SLC35G2: variants seen among roughly 807,000 people sequenced by gnomAD.
SLC35G2 encodes the protein transmembrane protein 22.
SLC35G2 carries 20 observed loss-of-function variants against 27.2 expected under a neutral mutation model. That is an observed-to-expected ratio of 0.74 (90% CI 0.52 to 1.07). The LOEUF is 1.07. Ranked by LOEUF, SLC35G2 falls within the 50% of genes least tolerant of loss-of-function variation. SLC35G2 has a pLI of 0.00. For missense variants in SLC35G2, 416 were observed against 493.3 expected (o/e 0.84, Z 1.48); for synonymous variants, 148 against 165.3 (o/e 0.90, Z 0.80).
intron 1 of SLC35G2, among the ~76,000 whole-genome samples, chr3:136,835,045 G>C (rs1936828694): frequency 6.6e-6 from 1 of 152,120 alleles, no homozygotes; most frequent in African/African-American, 2.4e-5. Context: ...ACCCTCTCCT[G>C]CATAACCACA....
chr3:136,837,720 A>G (rs1936913550), intron 1 of SLC35G2: 1 of 152,204 alleles, frequency 6.6e-6, no homozygotes, highest in Admixed American at 6.5e-5. Flanking sequence ...ATATTTTTGC[A>G]TGCACATCCT....
At chr3:136,832,171 G>A (rs1483392238) in intron 1 of SLC35G2, among the ~76,000 whole-genome samples, 2 of 152,004 alleles carry the variant, frequency 1.3e-5, no homozygotes. Context: ...CCGCCACCAG[G>A]CCTGGCTAAT....
chr3:136,828,827 G>T (rs1936652929), intron 1 of SLC35G2, among the ~76,000 whole-genome samples: 1 of 151,900 alleles, frequency 6.6e-6, no homozygotes, highest in Admixed American at 6.6e-5. Context: ...CTTCCTTCTT[G>T]TCTTTTGGTA....
intron 1 of SLC35G2, among the ~76,000 whole-genome samples, chr3:136,854,089 T>A (rs1357982785): frequency 5.3e-5 from 8 of 152,240 alleles, no homozygotes; most frequent in African/African-American, 1.9e-4. Flanking sequence ...AGGTTTGACC[T>A]AAGTTATTAT....
intron 1 of SLC35G2, among the ~76,000 whole-genome samples, chr3:136,832,464 C>G: frequency 6.6e-6 from 1 of 152,310 alleles, no homozygotes; most frequent in East Asian, 1.9e-4. Context: ...GATGTTAAAG[C>G]AAATCTATAG....
intron 1 of SLC35G2, among the ~76,000 whole-genome samples, chr3:136,847,254 C>T (rs992292924): frequency 1.3e-5 from 2 of 151,986 alleles, no homozygotes; most frequent in Admixed American, 1.3e-4. Context: ...CTGTTAGTTC[C>T]TGCCAAGGAG....
Position 136,854,425 on chromosome 3 carries a change from A to G in SLC35G2, c.-18-18A>G, listed in dbSNP as rs940330494. The G allele has an allele frequency of 2.0e-6, 3 of 1,493,144 alleles. No homozygotes were observed. Among genetic ancestry groups the G allele is most frequent in the East Asian group, 2.3e-5 (1 of 43,628 alleles). 92.5% of individuals were successfully genotyped at this position (1,493,144 alleles called of 1,614,324 possible). On this transcript the variant is annotated intron_variant, in intron 1 of 1. Transcript: ENST00000446465. ...CAATGAAATGAATGTCTTTTTGTCA[A>G]TTTTTTTCTTTAAATAGAATTGATT... is the stretch of plus-strand genomic sequence containing the variant.
chr3:136,828,399 T>C (rs1347493389), intron 1 of SLC35G2, among the ~76,000 whole-genome samples: 1 of 152,266 alleles, frequency 6.6e-6, no homozygotes, highest in African/African-American at 2.4e-5. Context: ...GTTTAATTTA[T>C]ATATCTGGGT....
rs1355314422 is a variant in SLC35G2, at chr3:136,855,791, TGACA to T, written c.*95_*98del. Reference sequence around the variant, plus strand: ...ATGAATGTCTTTTGTGTTATATAACTGACAGAGTGCTATAAAATATATAATATAT... The same window carrying T: ...ATGAATGTCTTTTGTGTTATATAACTGAGTGCTATAAAATATATAATATAT... On this transcript the variant is annotated 3_prime_UTR_variant, in exon 2 of 2. Coordinates refer to ENST00000446465, the MANE Select transcript of SLC35G2 (RefSeq NM_025246.3). The T allele has an allele frequency of 2.1e-6, 2 of 964,998 alleles. No homozygotes were observed. The highest frequency in any genetic ancestry group is 3.2e-6 in the Non-Finnish European group (2 of 624,100). The allele number at this position is 964,998 out of a possible 1,614,324, so 59.8% of individuals were successfully genotyped here.
chr3:136,849,967 C>T (rs1321942920), intron 1 of SLC35G2, among the ~76,000 whole-genome samples: 3 of 151,990 alleles, frequency 2.0e-5, no homozygotes, highest in East Asian at 1.9e-4. Context: ...ATTAGCCAGG[C>T]GTAGTGGCAC....
At chr3:136,831,561 A>G (rs1487478041) in intron 1 of SLC35G2, among the ~76,000 whole-genome samples, 3 of 152,230 alleles carry the variant, frequency 2.0e-5, no homozygotes, top group African/African-American at 7.2e-5. Flanking sequence ...AAAGTGTTCT[A>G]GAATCCAGAG....
At chr3:136,822,148 C>T (rs896563481) in intron 1 of SLC35G2, among the ~76,000 whole-genome samples, 1 of 151,966 alleles carries the variant, frequency 6.6e-6, no homozygotes, top group Non-Finnish European at 1.5e-5. Flanking sequence ...TTAAAATGTA[C>T]CATTAAATTA....
Position 136,824,661 on chromosome 3 carries a change from AG to A in SLC35G2, c.-19+5035del, listed in dbSNP as rs549941556. 7.9e-4 allele frequency among the ~76,000 whole-genome samples: 120 copies of A among 152,314 alleles called. 1 individual carries two copies. The highest frequency in any genetic ancestry group is 1.5e-3 in the Non-Finnish European group (101 of 68,024). On this transcript the variant is annotated intron_variant, in intron 1 of 1. Coordinates refer to ENST00000446465, the MANE Select transcript of SLC35G2 (RefSeq NM_025246.3). The stretch of plus-strand genomic sequence containing the variant: ...CTAGCAGTTTTTTGCCAGAGTCTCT[AG>A]GTTTTTCCAAATATAAGATCATATC...
At chr3:136,828,507 C>G (rs72985268) in intron 1 of SLC35G2, among the ~76,000 whole-genome samples, 13,232 of 152,192 alleles carry the variant, frequency 0.087, 1,893 homozygotes, top group African/African-American at 0.3. Context: ...TCTCTTCTTA[C>G]AGTTTTTGTC....
At position 136,854,494 on chromosome 3, in the gene SLC35G2, A is replaced by G. The variant is rs1937862736; in HGVS notation, c.34A>G (p.Lys12Glu). ...TTCTCCCTCCAGAAAATATCCAGTT[A>G]AAAAACGGGTGAAAATACATCCCAA... ...DTSPSRKYPV[K>E]KRVKIHPNTV... Residue 12 changes from lysine (K) to glutamate (E), a missense_variant, in exon 2 of 2, where the codon AAA becomes GAA. Lys to Glu is a moderately conservative substitution (Grantham distance 56). Coordinates refer to ENST00000446465, the MANE Select transcript of SLC35G2 (RefSeq NM_025246.3). 2 of 1,584,308 alleles carry G rather than the reference A, an allele frequency of 1.3e-6. No homozygotes were observed. Among genetic ancestry groups the G allele is most frequent in the Non-Finnish European group, 8.6e-7 (1 of 1,165,418 alleles).
chr3:136,846,217 C>T (rs1216614956), intron 1 of SLC35G2, among the ~76,000 whole-genome samples: 1 of 152,168 alleles, frequency 6.6e-6, no homozygotes, highest in African/African-American at 2.4e-5. Context: ...GTGCCAGCCT[C>T]CATAATTCTG....
intron 1 of SLC35G2, among the ~76,000 whole-genome samples, chr3:136,825,059 A>G (rs981092516): frequency 2.0e-5 from 3 of 151,960 alleles, no homozygotes; most frequent in Non-Finnish European, 4.4e-5. Flanking sequence ...ATCTTCATCT[A>G]TGTCCCTGCA....
intron 1 of SLC35G2, among the ~76,000 whole-genome samples, chr3:136,853,520 A>C (rs943301965): frequency 3.9e-5 from 6 of 152,142 alleles, no homozygotes; most frequent in Non-Finnish European, 5.9e-5. Flanking sequence ...TCTTTTTCTT[A>C]AGTAACAGAT....
chr3:136,848,440 G>A (rs146438408), intron 1 of SLC35G2, among the ~76,000 whole-genome samples: 158 of 152,156 alleles, frequency 1.0e-3, no homozygotes, highest in African/African-American at 3.3e-3. Context: ...GCAACATGGC[G>A]AAAACCCATC....
Sources: allele counts gnomAD v4.1 joint callset (sites outside exome capture counted in the v4.1 genomes callset), GRCh38; gene constraint gnomAD v4.1.1; transcripts MANE v1.5; gene names NCBI Gene and HGNC (gene_info 2026-07-23, HGNC 2026-07-21).